PXDNL: variants seen among roughly 807,000 people sequenced by gnomAD.
The protein encoded by PXDNL is probable oxidoreductase PXDNL.
PXDNL carries 145 observed loss-of-function variants against 150.8 expected under a neutral mutation model. The observed-to-expected ratio is 0.96, with a 90% CI of 0.84 to 1.10. The LOEUF (loss-of-function observed/expected upper bound fraction) is 1.10, where lower values mean the gene tolerates loss of function less well. Among genes scored for constraint, PXDNL ranks in the 50% least tolerant of loss-of-function variants. The pLI is 0.00. For synonymous variants in PXDNL, 757 were observed against 725.7 expected (o/e 1.04, Z -0.69); for missense variants, 2,087 against 1,873.9 (o/e 1.11, Z -2.10).
intron 5 of PXDNL, among the ~76,000 whole-genome samples, chr8:51,487,628 C>G (rs1009810881): frequency 2.6e-5 from 4 of 152,150 alleles, no homozygotes; most frequent in African/African-American, 9.7e-5. Flanking sequence ...CCACATGGCT[C>G]CACTAAATGT....
intron 20 of PXDNL, among the ~76,000 whole-genome samples, chr8:51,344,062 T>C (rs1324203493): frequency 1.3e-5 from 2 of 152,160 alleles, no homozygotes; most frequent in African/African-American, 4.8e-5. Context: ...TCCTAGTTAT[T>C]GAACACACCA....
At chr8:51,334,223 G>A (rs1805774842) in intron 21 of PXDNL, among the ~76,000 whole-genome samples, 1 of 151,998 alleles carries the variant, frequency 6.6e-6, no homozygotes, top group African/African-American at 2.4e-5. Context: ...ATTGAGCATT[G>A]AGTCAAAAAC....
chr8:51,371,360 G>C (rs1045844195), intron 19 of PXDNL, among the ~76,000 whole-genome samples: 2 of 152,166 alleles, frequency 1.3e-5, no homozygotes, highest in African/African-American at 2.4e-5. Context: ...GGGAAAGTTT[G>C]GTTCGTAAAC....
At chr8:51,493,785 A>G (rs1319312580) in intron 5 of PXDNL, among the ~76,000 whole-genome samples, 11 of 152,242 alleles carry the variant, frequency 7.2e-5, no homozygotes, top group Admixed American at 1.3e-4. Flanking sequence ...ACTGTGTGAA[A>G]AGACCAAATC....
chr8:51,798,949 A>ATCTT (rs2037590400), intron 1 of PXDNL, among the ~76,000 whole-genome samples: 1 of 152,192 alleles, frequency 6.6e-6, no homozygotes, highest in Non-Finnish European at 1.5e-5. Flanking sequence ...AGATACATGC[A>ATCTT]CACATATCTT....
At chr8:51,574,191 C>A (rs976350763) in intron 3 of PXDNL, among the ~76,000 whole-genome samples, 1 of 151,728 alleles carries the variant, frequency 6.6e-6, no homozygotes, top group African/African-American at 2.4e-5. Context: ...CTTTTTTAAA[C>A]CAGCCTTAAA....
intron 2 of PXDNL, among the ~76,000 whole-genome samples, chr8:51,641,392 GA>G (rs1369629637): frequency 6.7e-6 from 1 of 149,874 alleles, no homozygotes; most frequent in African/African-American, 2.5e-5. Context: ...CACAGCAAAA[GA>G]AACTACCATC....
Position 51,453,733 on chromosome 8 carries a change from G to T in PXDNL, c.1035C>A (p.Thr345=), listed in dbSNP as rs745656739. Residue 345 remains threonine (T), a synonymous_variant, in exon 10 of 23, where the codon ACC becomes ACA. Transcript: ENST00000356297. ...QPQDTEVLIG[T]STTLECMATG... ...TGGCCATACATTCCAAAGTTGTGCT[G>T]GTGCCAATTAAAACCTCTGTGTCCT... 1 of 1,613,996 alleles carries T rather than the reference G, an allele frequency of 6.2e-7. No individual in the cohort carries two copies. The highest frequency in any genetic ancestry group is 1.3e-5 in the African/African-American group (1 of 75,044).
intron 4 of PXDNL, among the ~76,000 whole-genome samples, chr8:51,530,704 C>T (rs78012558): frequency 0.03 from 4,635 of 152,246 alleles, 224 homozygotes; most frequent in African/African-American, 0.11. Flanking sequence ...GCGTGTAGTG[C>T]TCTGTTCCTG....
chr8:51,404,227 G>A (rs985719391), intron 17 of PXDNL, among the ~76,000 whole-genome samples: 2 of 152,230 alleles, frequency 1.3e-5, no homozygotes, highest in Non-Finnish European at 2.9e-5. Flanking sequence ...CTTCCACACT[G>A]TCGAAAGAGA....
intron 10 of PXDNL, among the ~76,000 whole-genome samples, chr8:51,450,721 T>C (rs946693420): frequency 3.9e-5 from 6 of 152,200 alleles, no homozygotes; most frequent in African/African-American, 1.4e-4. Flanking sequence ...GCCTGCAAGC[T>C]ATTTGTAATA....
intron 21 of PXDNL, among the ~76,000 whole-genome samples, chr8:51,321,720 C>A (rs139087396): frequency 8.9e-4 from 136 of 152,226 alleles, no homozygotes; most frequent in African/African-American, 3.1e-3. Context: ...AGTCATGCTT[C>A]CTGTTAACCC....
chr8:51,457,760 T>C, intron 8 of PXDNL, 93 bp from the exon 9 acceptor site: 1 of 818,184 alleles, frequency 1.2e-6, no homozygotes, highest in Non-Finnish European at 1.8e-6. Context: ...ATAGCTATGT[T>C]TCATGTCTAC....
At chr8:51,399,482 C>T (rs191128354) in intron 17 of PXDNL, among the ~76,000 whole-genome samples, 43 of 152,238 alleles carry the variant, frequency 2.8e-4, no homozygotes, top group Admixed American at 2.5e-3. Flanking sequence ...TAAAACAATA[C>T]ATACGGTGTG....
At chr8:51,374,034 A>G (rs960930955) in intron 18 of PXDNL, among the ~76,000 whole-genome samples, 1 of 152,248 alleles carries the variant, frequency 6.6e-6, no homozygotes, top group African/African-American at 2.4e-5. Flanking sequence ...TAGACAAACC[A>G]AGAAATTTTA....
chr8:51,524,607 C>A lies in PXDNL; in HGVS notation c.381-24837G>T, dbSNP rs531288238. Among the ~76,000 whole-genome samples the A allele has an allele frequency of 2.4e-4, 37 of 152,076 alleles. No individual in the cohort carries two copies. The South Asian group carries it at 7.5e-3, about 31-fold the overall frequency. The stretch of plus-strand genomic sequence containing the variant: ...TTCAGTTTTTATTTTAGATGTGAAA[C>A]TTTTCTTATGATGCCACCATTAACT... On this transcript the variant is annotated intron_variant, in intron 4 of 22. Transcript: ENST00000356297.
At chr8:51,501,971 C>A (rs1435701523) in intron 4 of PXDNL, among the ~76,000 whole-genome samples, 1 of 152,182 alleles carries the variant, frequency 6.6e-6, no homozygotes, top group African/African-American at 2.4e-5. Context: ...ATTCCAATCT[C>A]TGTGTATACT....
intron 3 of PXDNL, among the ~76,000 whole-genome samples, chr8:51,571,471 G>GATGTCAT (rs1812943810): frequency 6.6e-6 from 1 of 151,786 alleles, no homozygotes; most frequent in Non-Finnish European, 1.5e-5. Flanking sequence ...TTACACTGAT[G>GATGTCAT]ATGTCATTTT....
At chr8:51,498,230 A>G (rs1811102742) in intron 5 of PXDNL, among the ~76,000 whole-genome samples, 1 of 146,224 alleles carries the variant, frequency 6.8e-6, no homozygotes, top group Non-Finnish European at 1.5e-5. Flanking sequence ...GAATTGAACA[A>G]TGAGAACACA....
Sources: gnomAD v4.1 joint callset for allele counts (sites outside exome capture counted in the v4.1 genomes callset) on GRCh38, gnomAD v4.1.1 for gene constraint, MANE v1.5 for transcripts, NCBI Gene and HGNC (gene_info 2026-07-23, HGNC 2026-07-21) for gene names.